Variants in MITF observed in about 807,000 individuals in gnomAD.
The protein encoded by MITF is microphthalmia-associated transcription factor.
Under a neutral mutation model 60.5 loss-of-function variants are expected in MITF, and 17 were observed. That is an observed-to-expected ratio of 0.28 (90% CI 0.19 to 0.42). MITF has a LOEUF of 0.42. MITF is among the 10% of genes least tolerant of loss of function. The probability of loss-of-function intolerance (pLI) is 1.00; values close to 1 mark genes in which losing one functional copy is unlikely to be tolerated. For synonymous variants in MITF, 260 were observed against 248.5 expected, an observed-to-expected ratio of 1.05 and a Z score of -0.43; for missense variants, 622 against 683.5, an observed-to-expected ratio of 0.91 and a Z score of 1.00.
chr3:69,743,257 A>G, intron 1 of MITF, among the ~76,000 whole-genome samples: 1 of 152,194 alleles, frequency 6.6e-6, no homozygotes, highest in Middle Eastern at 3.2e-3. Flanking sequence ...AAGTACCCTC[A>G]TTTCAGAACC....
At chr3:69,851,750 G>C (rs552871244) in intron 1 of MITF, among the ~76,000 whole-genome samples, 1 of 152,210 alleles carries the variant, frequency 6.6e-6, no homozygotes, top group East Asian at 1.9e-4. Flanking sequence ...ACATGGCTCT[G>C]TGCATCTCAA....
intron 1 of MITF, among the ~76,000 whole-genome samples, chr3:69,774,204 C>T (rs2062438475): frequency 6.6e-6 from 1 of 152,196 alleles, no homozygotes; most frequent in African/African-American, 2.4e-5. Context: ...GTGCCAGAGG[C>T]CTGGCAGGCT....
At chr3:69,910,556 C>A (rs1374755989) in intron 2 of MITF, among the ~76,000 whole-genome samples, 1 of 152,204 alleles carries the variant, frequency 6.6e-6, no homozygotes, top group African/African-American at 2.4e-5. Flanking sequence ...GGAGGCTCTA[C>A]CCTGCAAAGC....
chr3:69,911,590 A>G (rs1423725325), intron 2 of MITF, among the ~76,000 whole-genome samples: 4 of 152,244 alleles, frequency 2.6e-5, no homozygotes, highest in Non-Finnish European at 5.9e-5. Context: ...ATTAGTACCT[A>G]GAATATATAA....
chr3:69,766,375 A>G (rs1376132430), intron 1 of MITF, among the ~76,000 whole-genome samples: 5 of 121,226 alleles, frequency 4.1e-5, no homozygotes. Flanking sequence ...ATGCCCAGCT[A>G]ATTTTTTTTT....
intron 1 of MITF, among the ~76,000 whole-genome samples, chr3:69,823,973 C>T (rs930179878): frequency 6.6e-6 from 1 of 152,118 alleles, no homozygotes; most frequent in Non-Finnish European, 1.5e-5. Flanking sequence ...TGAAGTTATC[C>T]TATTATAAAA....
chr3:69,893,470 G>T (rs2064803192), intron 2 of MITF, among the ~76,000 whole-genome samples: 1 of 152,070 alleles, frequency 6.6e-6, no homozygotes, highest in Admixed American at 6.6e-5. Context: ...TAGCTCATAA[G>T]CTTGCTCTGA....
At chr3:69,877,636 A>T (rs2064385377) in intron 1 of MITF, among the ~76,000 whole-genome samples, 1 of 152,192 alleles carries the variant, frequency 6.6e-6, no homozygotes, top group Non-Finnish European at 1.5e-5. Flanking sequence ...TTGTGAAAAT[A>T]AGCGAACTGT....
chr3:69,847,630 G>C (rs1444830377), intron 1 of MITF, among the ~76,000 whole-genome samples: 4 of 152,166 alleles, frequency 2.6e-5, no homozygotes, highest in Non-Finnish European at 5.9e-5. Flanking sequence ...TCACTAAATA[G>C]CTGAATGGAT....
chr3:69,921,278 A>G (rs942279433), intron 2 of MITF, among the ~76,000 whole-genome samples: 2 of 152,216 alleles, frequency 1.3e-5, no homozygotes, highest in Admixed American at 1.3e-4. Context: ...TTTTGTTTGC[A>G]AGTATAGTAA....
chr3:69,878,516 G>C (rs2064405808), intron 1 of MITF, among the ~76,000 whole-genome samples: 1 of 152,148 alleles, frequency 6.6e-6, no homozygotes, highest in Non-Finnish European at 1.5e-5. Context: ...TGGCTTGTCA[G>C]ACCAGCTCGT....
Position 69,844,308 on chromosome 3 carries a change from A to G in MITF, c.105-34826A>G, listed in dbSNP as rs1369471481. On this transcript the variant is annotated intron_variant, in intron 1 of 9. Transcript: ENST00000352241. Reference sequence around the variant, plus strand: ...ATGGAACAAAACAGAGGCCTCAGAAATAATGCCAGACATCTACAACCATCT... The same window carrying G: ...ATGGAACAAAACAGAGGCCTCAGAAGTAATGCCAGACATCTACAACCATCT... 4.6e-5 allele frequency among the ~76,000 whole-genome samples: 7 copies of G among 152,328 alleles called. No homozygotes were observed. The East Asian group carries it at 1.3e-3, about 29-fold the overall frequency.
rs530883702 is a variant in MITF at position 69,895,433 on chromosome 3, G to A, written c.354+16050G>A. ...TGAGACTTTTCTGAAGGTCTTTTGC[G>A]TAGAGATTGAGCACAGACTTATTCA... On this transcript the variant is annotated intron_variant, in intron 2 of 9. Coordinates refer to ENST00000352241, the MANE Select transcript of MITF (RefSeq NM_001354604.2). Among the ~76,000 whole-genome samples the A allele has an allele frequency of 1.2e-4, 18 of 152,254 alleles. No individual in the cohort carries two copies. The South Asian group carries it at 2.9e-3, about 25-fold the overall frequency.
chr3:69,790,043 G>A (rs887289160), intron 1 of MITF, among the ~76,000 whole-genome samples: 1 of 152,128 alleles, frequency 6.6e-6, no homozygotes, highest in African/African-American at 2.4e-5. Flanking sequence ...GCAGGTGAAT[G>A]GATAAACAGA....
Position 69,949,143 on chromosome 3 carries a change from T to A in MITF, c.855T>A (p.Leu285=), listed in dbSNP as rs1193776934. 1 of 1,613,524 alleles carries A rather than the reference T, an allele frequency of 6.2e-7. No individual in the cohort carries two copies. Among genetic ancestry groups the A allele is most frequent in the African/African-American group, 1.3e-5 (1 of 74,968 alleles). The change falls in exon 6 of 10, where the codon CTT becomes CTA. Residue 285 remains leucine (L), a synonymous_variant. Transcript: ENST00000352241. ...TCAGCAACTCCTGTCCAGCCAACCT[T>A]CCCAACATAAAAAGGGAGCTCACAG... ...LTISNSCPAN[L]PNIKRELTAC...
intron 1 of MITF, among the ~76,000 whole-genome samples, chr3:69,869,535 T>C (rs932254711): frequency 6.6e-6 from 1 of 152,120 alleles, no homozygotes; most frequent in African/African-American, 2.4e-5. Context: ...CCCACATACA[T>C]CTCTCATTCT....
intron 1 of MITF, among the ~76,000 whole-genome samples, chr3:69,789,582 T>G (rs1384230884): frequency 6.6e-6 from 1 of 152,104 alleles, no homozygotes; most frequent in South Asian, 2.1e-4. Context: ...TAGAGGTTCA[T>G]AAAAAATTAA....
Position 69,926,732 on chromosome 3 carries a change from G to GC in MITF, c.355-11088dup, listed in dbSNP as rs369407137. On this transcript the variant is annotated intron_variant, in intron 2 of 9. Coordinates refer to ENST00000352241, the MANE Select transcript of MITF (RefSeq NM_001354604.2). Reference sequence around the variant, plus strand: ...GGCACTATTGAACCACGTAATTGTGGCCTTTGGAAAAACCATAAAAATGTG... The same window carrying GC: ...GGCACTATTGAACCACGTAATTGTGGCCCTTTGGAAAAACCATAAAAATGTG... Among the ~76,000 whole-genome samples the GC allele has an allele frequency of 3.5e-3, 533 of 152,274 alleles. 2 individuals are homozygous for GC. Among genetic ancestry groups the GC allele is most frequent in the African/African-American group, 0.012 (514 of 41,554 alleles).
At chr3:69,832,814 C>A (rs575753674) in intron 1 of MITF, among the ~76,000 whole-genome samples, 31 of 152,314 alleles carry the variant, frequency 2.0e-4, no homozygotes, top group African/African-American at 7.5e-4. Flanking sequence ...TCTGGTTACA[C>A]TGTATGTAAT....
Sources: allele counts gnomAD v4.1 joint callset (sites outside exome capture counted in the v4.1 genomes callset), GRCh38; gene constraint gnomAD v4.1.1; transcripts MANE v1.5; gene names NCBI Gene and HGNC (gene_info 2026-07-23, HGNC 2026-07-21).